PCDHGA6: variants seen among roughly 807,000 people sequenced by gnomAD.
PCDHGA6 encodes protocadherin gamma subfamily A, 6, also known as protocadherin gamma-A6.
Under a neutral mutation model 60.6 loss-of-function variants are expected in PCDHGA6, and 41 were observed. The ratio of observed to expected loss-of-function variants is 0.68; its 90% CI spans 0.53 to 0.88. The LOEUF (loss-of-function observed/expected upper bound fraction) is 0.88, where lower values mean the gene tolerates loss of function less well. Among genes scored for constraint, PCDHGA6 ranks in the 40% least tolerant of loss-of-function variants. The probability of loss-of-function intolerance (pLI) is 0.00; values close to 1 mark genes in which losing one functional copy is unlikely to be tolerated. For synonymous variants in PCDHGA6, 594 were observed against 524.4 expected, an observed-to-expected ratio of 1.13 and a Z score of -1.81; for missense variants, 1,312 against 1,203.0, an observed-to-expected ratio of 1.09 and a Z score of -1.34.
chr5:141,422,052 CG>C (rs1282698929), intron 1 of PCDHGA6: 1 of 1,611,298 alleles, frequency 6.2e-7, no homozygotes, highest in South Asian at 1.1e-5. Context: ...AGGGAATCAA[CG>C]GGGAAGTAAT....
Position 141,418,036 on chromosome 5 carries a change from G to C in PCDHGA6, c.2424+41529G>C, listed in dbSNP as rs933500300. ...CTAAGGATCTAGGGCTTAGTGTCCT[G>C]GATGTGTCGGCTCGCGAGCTGCGAG... On this transcript the variant is annotated intron_variant, in intron 1 of 3. Coordinates refer to ENST00000517434, the MANE Select transcript of PCDHGA6 (RefSeq NM_018919.3). 3.7e-6 allele frequency: 6 copies of C among 1,613,902 alleles called. No individual in the cohort carries two copies. The African/African-American group carries it at 8.0e-5, about 22-fold the overall frequency.
At chr5:141,393,944 A>G (rs756691407) in intron 1 of PCDHGA6, 3 of 1,613,998 alleles carry the variant, frequency 1.9e-6, no homozygotes, top group South Asian at 1.1e-5. Flanking sequence ...AAGACTCTGG[A>G]AAGAATGGTC....
At chr5:141,408,716 A>G in intron 1 of PCDHGA6, 2 of 1,611,732 alleles carry the variant, frequency 1.2e-6, no homozygotes, top group East Asian at 2.2e-5. Context: ...AGATTATAAG[A>G]TAAACTCTAA....
chr5:141,415,482 G>C, intron 1 of PCDHGA6: 1 of 1,614,218 alleles, frequency 6.2e-7, no homozygotes, highest in Non-Finnish European at 8.5e-7. Context: ...ACTCGCGAAA[G>C]AGTCACCTGA....
At chr5:141,470,015 G>C (rs999085849) in intron 1 of PCDHGA6, among the ~76,000 whole-genome samples, 1 of 152,130 alleles carries the variant, frequency 6.6e-6, no homozygotes, top group Non-Finnish European at 1.5e-5. Context: ...TGTAATCCCA[G>C]CTACTCGGGA....
chr5:141,431,111 G>A lies in PCDHGA6; in HGVS notation c.2424+54604G>A, dbSNP rs2097343539. The A allele has an allele frequency of 1.9e-6, 3 of 1,614,110 alleles. No individual in the cohort carries two copies. Among genetic ancestry groups the A allele is most frequent in the Non-Finnish European group, 2.5e-6 (3 of 1,180,034 alleles). On this transcript the variant is annotated intron_variant, in intron 1 of 3. Coordinates refer to ENST00000517434, the MANE Select transcript of PCDHGA6 (RefSeq NM_018919.3). This position sits in a 1 kb window ranked among gnomAD's most constrained non-coding sequence, Gnocchi z 4.8. ...GATGGAGGATAAAGTGAAAATATAT[G>A]GAGTAGAAGTAGAAGTAAGGGACAT...
At chr5:141,492,448 G>T (rs2734874) in intron 1 of PCDHGA6, among the ~76,000 whole-genome samples, 50 of 152,334 alleles carry the variant, frequency 3.3e-4, no homozygotes, top group African/African-American at 1.2e-3. Context: ...GTAGCTGATT[G>T]TGCGCGCCTG....
intron 2 of PCDHGA6, among the ~76,000 whole-genome samples, chr5:141,501,324 CA>C (rs1311475307): frequency 7.2e-5 from 11 of 151,778 alleles, no homozygotes; most frequent in African/African-American, 1.9e-4. Flanking sequence ...CACACACACA[CA>C]CACACACACC....
Position 141,477,626 on chromosome 5 carries a change from G to C in PCDHGA6, c.2425-17181G>C. The C allele has an allele frequency of 1.2e-6, 2 of 1,614,170 alleles. No homozygotes were observed. Among genetic ancestry groups the C allele is most frequent in the Non-Finnish European group, 1.7e-6 (2 of 1,180,036 alleles). ...TCTCTTGGAGCAAGGAGCTGAAACCGGGCTAGTGGGTCGCTATTTCACAAT... is the reference window on the plus strand; with the variant it reads ...TCTCTTGGAGCAAGGAGCTGAAACCCGGCTAGTGGGTCGCTATTTCACAAT... On this transcript the variant is annotated intron_variant, in intron 1 of 3. Transcript: ENST00000517434. The surrounding 1 kb of genome is among the most constrained non-coding windows in gnomAD (Gnocchi z 4.9).
At chr5:141,397,216 T>C (rs772120141) in intron 1 of PCDHGA6, among the ~76,000 whole-genome samples, 32 of 152,186 alleles carry the variant, frequency 2.1e-4, no homozygotes, top group Non-Finnish European at 4.1e-4. Context: ...AGAGAAGTAT[T>C]TTGAGATATG....
intron 1 of PCDHGA6, chr5:141,404,905 GC>G (rs762314174): frequency 6.2e-6 from 10 of 1,613,910 alleles, no homozygotes; most frequent in Middle Eastern, 1.7e-4. Context: ...ACCATGGCCA[GC>G]CCCCTCTCTC....
Position 141,399,568 on chromosome 5 carries a change from G to A in PCDHGA6, c.2424+23061G>A, listed in dbSNP as rs776963716. ...CTCGGACCTGGACTTGGGGTTGAAC[G>A]GCCAAGTCTCCTACTCTATCATGGC... is the stretch of plus-strand genomic sequence containing the variant. On this transcript the variant is annotated intron_variant, in intron 1 of 3. Transcript: ENST00000517434. The A allele has an allele frequency of 3.1e-6, 5 of 1,613,926 alleles. No individual in the cohort carries two copies. The East Asian group carries it at 8.9e-5, about 29-fold the overall frequency.
At chr5:141,440,631 A>C (rs1036203175) in intron 1 of PCDHGA6, 2 of 152,224 alleles carry the variant, frequency 1.3e-5, no homozygotes, top group African/African-American at 4.8e-5. Flanking sequence ...ATGTTGAGAG[A>C]AATTCCTTAC....
intron 1 of PCDHGA6, chr5:141,407,992 G>A (rs929571955): frequency 4.3e-5 from 37 of 851,508 alleles, no homozygotes; most frequent in Middle Eastern, 3.7e-4. Context: ...GTCAGCCTCT[G>A]GCCTGGGATT....
Position 141,379,889 on chromosome 5 carries a change from C to CTTTTTTTTTTTTTTTTTTTTTTTTTTT in PCDHGA6, c.2424+3386_2424+3412dup, listed in dbSNP as rs70988800. Among the ~76,000 whole-genome samples the CTTTTTTTTTTTTTTTTTTTTTTTTTTT allele has an allele frequency of 2.4e-4, 12 of 50,832 alleles. 1 individual carries two copies. The highest frequency in any genetic ancestry group is 4.0e-4 in the African/African-American group (6 of 15,086). 33.3% of individuals were successfully genotyped at this position (50,832 alleles called of 152,430 possible). A position where few individuals can be genotyped will look rare whatever the true frequency, so the allele number is the denominator to read the frequency against. On this transcript the variant is annotated intron_variant, in intron 1 of 3. Coordinates refer to ENST00000517434, the MANE Select transcript of PCDHGA6 (RefSeq NM_018919.3). ...CTTATTTTATGGTCTGTGAAAGCCT[C>CTTTTTTTTTTTTTTTTTTTTTTTTTTT]TTTTTTTTTTTTTTTTTTTTTTTTT...
chr5:141,393,533 G>T (rs1475648389), intron 1 of PCDHGA6: 2 of 1,613,950 alleles, frequency 1.2e-6, no homozygotes, highest in South Asian at 1.1e-5. Flanking sequence ...ACAATGCCCC[G>T]GTTTTTCCTC....
At chr5:141,387,838 A>AG (rs2091116111) in intron 1 of PCDHGA6, 1 of 1,598,608 alleles carries the variant, frequency 6.3e-7, no homozygotes, top group African/African-American at 1.3e-5. Flanking sequence ...GGTTATTTGT[A>AG]ACCCGGCGTC....
intron 1 of PCDHGA6, among the ~76,000 whole-genome samples, chr5:141,467,395 G>A (rs1197131223): frequency 6.6e-6 from 1 of 152,056 alleles, no homozygotes; most frequent in African/African-American, 2.4e-5. Flanking sequence ...TTAAGTCATA[G>A]TTAGAAAGCC....
rs1011731430 is a variant in PCDHGA6, at chr5:141,489,676, G to A, written c.2425-5131G>A. 6.2e-7 allele frequency: 1 copy of A among 1,614,158 alleles called. No individual in the cohort carries two copies. The highest frequency in any genetic ancestry group is 8.5e-7 in the Non-Finnish European group (1 of 1,180,008). On this transcript the variant is annotated intron_variant, in intron 1 of 3. Coordinates refer to ENST00000517434, the MANE Select transcript of PCDHGA6 (RefSeq NM_018919.3). This position sits in a 1 kb window ranked among gnomAD's most constrained non-coding sequence, Gnocchi z 4.5. ...GCGAGAGATGCGCATCTCAGAATCAGCAGCATCTGGGGCACGATTCCCACT... is the reference window on the plus strand; with the variant it reads ...GCGAGAGATGCGCATCTCAGAATCAACAGCATCTGGGGCACGATTCCCACT...
Sources: gnomAD v4.1 joint callset for allele counts (sites outside exome capture counted in the v4.1 genomes callset) on GRCh38, gnomAD v4.1.1 for gene constraint, Gnocchi (gnomAD v3.1) non-coding constraint, MANE v1.5 for transcripts, NCBI Gene and HGNC (gene_info 2026-07-23, HGNC 2026-07-21) for gene names.